GOLPH3L: variants seen among roughly 807,000 people sequenced by gnomAD.
GOLPH3L encodes golgi phosphoprotein 3 like.
In GOLPH3L, 22 loss-of-function variants were observed where a neutral mutation model predicts 30.3. The ratio of observed to expected loss-of-function variants is 0.73; its 90% confidence interval spans 0.52 to 1.04. GOLPH3L has a LOEUF of 1.04. Among genes scored for constraint, GOLPH3L ranks in the 50% least tolerant of loss-of-function variants. GOLPH3L has a pLI of 0.00. For missense variants in GOLPH3L, 303 were observed against 345.8 expected (o/e 0.88, Z 0.98); for synonymous variants, 120 against 128.2 (o/e 0.94, Z 0.43).
chr1:150,660,312 T>C lies in GOLPH3L; in HGVS notation c.430+1502A>G, dbSNP rs587745468. ...AGTGGTGATCAGCATGTGGACAAAT[T>C]GGAACCCTGGTGCATACTGGTGGGA... is the stretch of plus-strand genomic sequence containing the variant. On this transcript the variant is annotated intron_variant, in intron 4 of 4. Coordinates refer to ENST00000271732, the MANE Select transcript of GOLPH3L (RefSeq NM_018178.6). Among the ~76,000 whole-genome samples the C allele has an allele frequency of 9.9e-5, 15 of 152,208 alleles. No homozygotes were observed. In the South Asian group the frequency reaches 2.9e-3, roughly 29 times the overall value.
Position 150,680,164 on chromosome 1 carries a change from G to A in GOLPH3L, c.183+14492C>T, listed in dbSNP as rs868488378. On this transcript the variant is annotated intron_variant, in intron 2 of 4. Coordinates refer to ENST00000271732, the MANE Select transcript of GOLPH3L (RefSeq NM_018178.6). ...GAAGCAAAAATGGGAATGGAAAGGA[G>A]GTATCAATGGCAAAGAGTGCAGATC... Among the ~76,000 whole-genome samples the A allele has an allele frequency of 1.7e-4, 26 of 152,106 alleles. No homozygotes were observed. In the Middle Eastern group the frequency reaches 0.01, roughly 60 times the overall value.
intron 2 of GOLPH3L, among the ~76,000 whole-genome samples, chr1:150,683,917 G>C (rs1445754008): frequency 6.6e-6 from 1 of 151,894 alleles, no homozygotes; most frequent in South Asian, 2.1e-4. Flanking sequence ...GAGCTGAATT[G>C]TGTCCCCTCA....
At chr1:150,650,903 A>G (rs1022429689) in intron 4 of GOLPH3L, among the ~76,000 whole-genome samples, 1 of 152,256 alleles carries the variant, frequency 6.6e-6, no homozygotes, top group African/African-American at 2.4e-5. Flanking sequence ...TGCCTTTGAG[A>G]ACGCTAAAAT....
intron 2 of GOLPH3L, among the ~76,000 whole-genome samples, chr1:150,674,415 T>G (rs1395961199): frequency 6.6e-6 from 1 of 151,884 alleles, no homozygotes; most frequent in Non-Finnish European, 1.5e-5. Context: ...CATATGTCAC[T>G]AGGCCTAGCT....
rs1649981973 is a variant in GOLPH3L, at chr1:150,646,506, C to T, written c.*1815G>A. 1 of 152,156 alleles carries T rather than the reference C, an allele frequency of 6.6e-6. No homozygotes were observed. The highest frequency in any genetic ancestry group is 2.1e-4 in the South Asian group (1 of 4,832). The allele number at this position is 152,156 out of a possible 1,614,324, so 9.4% of individuals were successfully genotyped here. A position where few individuals can be genotyped will look rare whatever the true frequency, so the allele number is the denominator to read the frequency against. On this transcript the variant is annotated 3_prime_UTR_variant, in exon 5 of 5. Transcript: ENST00000271732. ...CAGTTAGAGACAACACATGGACTGG[C>T]TTTTGTCCTATTAGAGAGCCAGACT...
At chr1:150,653,277 G>C (rs1297188945) in intron 4 of GOLPH3L, among the ~76,000 whole-genome samples, 1 of 147,870 alleles carries the variant, frequency 6.8e-6, no homozygotes, top group Non-Finnish European at 1.5e-5. Flanking sequence ...AATTAAACTT[G>C]GTATAAATCT....
At chr1:150,649,837 AAAT>A (rs148918789) in intron 4 of GOLPH3L, among the ~76,000 whole-genome samples, 1,557 of 152,174 alleles carry the variant, frequency 0.01, 10 homozygotes, top group Admixed American at 0.011. Context: ...CTAAGCTTAA[AAAT>A]AATAATAATA....
chr1:150,694,496 C>G (rs1040076514), intron 2 of GOLPH3L, 160 bp downstream of exon 2: 4 of 515,878 alleles, frequency 7.8e-6, no homozygotes, highest in Non-Finnish European at 1.3e-5. Flanking sequence ...GATTTTTACC[C>G]TCCAAGTATC....
intron 4 of GOLPH3L, among the ~76,000 whole-genome samples, chr1:150,653,118 A>G (rs1158958203): frequency 6.6e-6 from 1 of 151,024 alleles, no homozygotes; most frequent in Non-Finnish European, 1.5e-5. Flanking sequence ...AACTTTGTCT[A>G]AAAAAACAAA....
At chr1:150,670,393 C>T (rs201998350) in intron 2 of GOLPH3L, among the ~76,000 whole-genome samples, 2 of 151,996 alleles carry the variant, frequency 1.3e-5, no homozygotes, top group Admixed American at 6.6e-5. Context: ...GTCAGGAGAT[C>T]GAGACCATCC....
At chr1:150,683,177 A>G (rs1650998159) in intron 2 of GOLPH3L, among the ~76,000 whole-genome samples, 3 of 151,994 alleles carry the variant, frequency 2.0e-5, no homozygotes, top group Admixed American at 6.6e-5. Flanking sequence ...CGAGGCAGGC[A>G]GATCACATGA....
chr1:150,663,697 C>G lies in GOLPH3L; in HGVS notation c.250G>C (p.Ala84Pro). 2 of 1,613,548 alleles carry G rather than the reference C, an allele frequency of 1.2e-6. No individual in the cohort carries two copies. Among genetic ancestry groups the G allele is most frequent in the Non-Finnish European group, 1.7e-6 (2 of 1,179,530 alleles). The part of the protein sequence containing the change: ...GLRGGILIEL[A>P]MRGRIYLEPP... The stretch of plus-strand genomic sequence containing the variant: ...TCCAGATAGATTCGACCCCGCATGG[C>G]CAGCTCTATCAGGATGCCCCCTCGC... The change falls in exon 3 of 5, where the codon GCC becomes CCC. Residue 84 changes from alanine (A) to proline (P), a missense_variant. Coordinates refer to ENST00000271732, the MANE Select transcript of GOLPH3L (RefSeq NM_018178.6).
At chr1:150,691,071 A>G (rs1334839146) in intron 2 of GOLPH3L, among the ~76,000 whole-genome samples, 27 of 151,024 alleles carry the variant, frequency 1.8e-4, no homozygotes, top group Admixed American at 1.1e-3. Flanking sequence ...AGGCAGGTGG[A>G]TCACTTGAGA....
At chr1:150,683,699 CAAAAAAAA>C (rs397981524) in intron 2 of GOLPH3L, among the ~76,000 whole-genome samples, 19 of 14,962 alleles carry the variant, frequency 1.3e-3, no homozygotes, top group East Asian at 3.0e-3. Context: ...GACTCTCTCT[CAAAAAAAA>C]AAAAAAAAAA....
chr1:150,680,929 C>A (rs1353979547), intron 2 of GOLPH3L, among the ~76,000 whole-genome samples: 1 of 152,074 alleles, frequency 6.6e-6, no homozygotes, highest in African/African-American at 2.4e-5. Flanking sequence ...CACCTGAGGT[C>A]AGGAGTTCAA....
intron 1 of GOLPH3L, among the ~76,000 whole-genome samples, chr1:150,695,899 A>G (rs1385020283): frequency 6.6e-6 from 1 of 152,156 alleles, no homozygotes; most frequent in Non-Finnish European, 1.5e-5. Context: ...AAATTTTCTC[A>G]ATTTAAAAAA....
intron 3 of GOLPH3L, among the ~76,000 whole-genome samples, chr1:150,662,329 T>C (rs1360115109): frequency 8.6e-5 from 13 of 151,624 alleles, no homozygotes; most frequent in Admixed American, 7.9e-4. Context: ...CTGGGCAAAA[T>C]GGCAAAATCT....
chr1:150,667,350 T>A (rs1010239709), intron 2 of GOLPH3L, among the ~76,000 whole-genome samples: 1 of 152,194 alleles, frequency 6.6e-6, no homozygotes, highest in Non-Finnish European at 1.5e-5. Flanking sequence ...TAATTCTATT[T>A]GTCCTGCTAT....
At position 150,661,099 on chromosome 1, in the gene GOLPH3L, G is replaced by A. The variant is rs951296715; in HGVS notation, c.430+715C>T. On this transcript the variant is annotated intron_variant, in intron 4 of 4. Coordinates refer to ENST00000271732, the MANE Select transcript of GOLPH3L (RefSeq NM_018178.6). ...AAAAATTAGCCAGGCGTGGTGGCAC[G>A]TGCCTGTAATCCCAGCTACTTGGGA... Among the ~76,000 whole-genome samples, 7 of 152,072 alleles carry A rather than the reference G, an allele frequency of 4.6e-5. No homozygotes were observed. The East Asian group carries it at 9.6e-4, about 21-fold the overall frequency.
Sources: gnomAD v4.1 joint callset for allele counts (sites outside exome capture counted in the v4.1 genomes callset) on GRCh38, gnomAD v4.1.1 for gene constraint, MANE v1.5 for transcripts, NCBI Gene and HGNC (gene_info 2026-07-23, HGNC 2026-07-21) for gene names.